Variants in SLC2A9 observed in about 807,000 individuals in gnomAD.
SLC2A9 encodes the protein solute carrier family 2, facilitated glucose transporter member 9.
In SLC2A9, 39 loss-of-function variants were observed where a neutral mutation model predicts 50.6. That is an observed-to-expected ratio of 0.77 (90% CI 0.60 to 1.01). SLC2A9 has a LOEUF of 1.01. SLC2A9 is among the 50% of genes least tolerant of loss of function. The pLI is 0.00. For missense variants in SLC2A9, 686 were observed against 677.6 expected, an observed-to-expected ratio of 1.01 and a Z score of -0.14; for synonymous variants, 324 against 276.9, an observed-to-expected ratio of 1.17 and a Z score of -1.69.
downstream of SLC2A9, among the ~76,000 whole-genome samples, chr4:9,777,095 T>C (rs564629037): frequency 5.3e-5 from 8 of 152,208 alleles, no homozygotes; most frequent in Non-Finnish European, 2.9e-5. Context: ...TAGCACTGTA[T>C]GACATTGTTT....
chr4:9,848,274 T>C (rs867269682), intron 10 of SLC2A9, among the ~76,000 whole-genome samples: 30 of 151,978 alleles, frequency 2.0e-4, no homozygotes, highest in African/African-American at 7.2e-4. Context: ...GGCGCCTTTT[T>C]CCCCTTCTAC....
intron 10 of SLC2A9, among the ~76,000 whole-genome samples, chr4:9,871,858 G>A (rs963197599): frequency 6.6e-6 from 1 of 152,200 alleles, no homozygotes; most frequent in African/African-American, 2.4e-5. Flanking sequence ...GAATAAGATG[G>A]TCTGTCTCCT....
chr4:9,939,783 C>A (rs1186089671), intron 6 of SLC2A9, among the ~76,000 whole-genome samples: 2 of 152,042 alleles, frequency 1.3e-5, no homozygotes, highest in African/African-American at 4.8e-5. Context: ...TCCTGGGGGG[C>A]AGGAATGTCA....
chr4:9,934,030 T>C (rs1038631750), intron 6 of SLC2A9, among the ~76,000 whole-genome samples: 8 of 152,210 alleles, frequency 5.3e-5, no homozygotes, highest in Non-Finnish European at 1.2e-4. Flanking sequence ...GCAGCCTTAA[T>C]TCCATCTGTG....
chr4:9,789,612 G>A (rs1382219258), intron 3 of SLC2A9, among the ~76,000 whole-genome samples: 8 of 152,252 alleles, frequency 5.3e-5, no homozygotes, highest in Non-Finnish European at 8.8e-5. Context: ...GTTAAGCGGA[G>A]AATGTTGAGC....
chr4:10,025,826 G>T, upstream of SLC2A9: 1 of 1,406,308 alleles, frequency 7.1e-7, no homozygotes. Context: ...GCCTCCCACT[G>T]ACCCAGGGGA....
At chr4:9,900,768 CCTT>C (rs1422850688) in intron 8 of SLC2A9, among the ~76,000 whole-genome samples, 2 of 152,126 alleles carry the variant, frequency 1.3e-5, no homozygotes, top group Non-Finnish European at 2.9e-5. Flanking sequence ...GCAAACTCAT[CCTT>C]CTTCATGTGG....
At position 9,946,013 on chromosome 4, in the gene SLC2A9, G is replaced by A. The variant is rs573346742; in HGVS notation, c.682-3968C>T. The stretch of plus-strand genomic sequence containing the variant: ...TGTTTTAAAAAACCGCATATTACTC[G>A]CCTGACACAAGACCATGAGGCGCCA... On this transcript the variant is annotated intron_variant, in intron 5 of 11. Transcript: ENST00000264784. Among the ~76,000 whole-genome samples the A allele has an allele frequency of 1.1e-4, 16 of 152,232 alleles. No homozygotes were observed. In the South Asian group the frequency reaches 3.1e-3, roughly 30 times the overall value.
intron 10 of SLC2A9, among the ~76,000 whole-genome samples, chr4:9,861,529 C>T (rs929601298): frequency 3.9e-5 from 6 of 152,156 alleles, no homozygotes; most frequent in African/African-American, 1.4e-4. Flanking sequence ...CATGTGTTTA[C>T]AATAAGCCTC....
chr4:9,991,223 C>T (rs1164543119), intron 3 of SLC2A9, among the ~76,000 whole-genome samples: 1 of 152,188 alleles, frequency 6.6e-6, no homozygotes. Flanking sequence ...AAAGATTACT[C>T]CTGAAGAGCC....
intron 6 of SLC2A9, among the ~76,000 whole-genome samples, chr4:9,932,875 A>G (rs1746393339): frequency 6.6e-6 from 1 of 152,250 alleles, no homozygotes; most frequent in Non-Finnish European, 1.5e-5. Flanking sequence ...TCCAGCAGTG[A>G]GAGGCACTGA....
intron 8 of SLC2A9, among the ~76,000 whole-genome samples, chr4:9,905,094 T>C (rs575033339): frequency 6.6e-6 from 1 of 152,318 alleles, no homozygotes; most frequent in African/African-American, 2.4e-5. Context: ...CTTTTCTCTC[T>C]AGATCACGGC....
chr4:9,941,326 C>G (rs949705852), intron 6 of SLC2A9, among the ~76,000 whole-genome samples: 2 of 152,168 alleles, frequency 1.3e-5, no homozygotes, highest in African/African-American at 4.8e-5. Flanking sequence ...TGAGACAACT[C>G]CCAAGCCCCT....
At chr4:9,881,072 G>A (rs1735120203) in intron 10 of SLC2A9, among the ~76,000 whole-genome samples, 1 of 152,204 alleles carries the variant, frequency 6.6e-6, no homozygotes, top group South Asian at 2.1e-4. Context: ...CCGGGGAGTG[G>A]TTCCTGACGA....
chr4:10,029,943 A>AT (rs1232915724), intron 1 of SLC2A9, among the ~76,000 whole-genome samples: 5 of 151,242 alleles, frequency 3.3e-5, no homozygotes, highest in African/African-American at 4.9e-5. Context: ...GCAGAGATAA[A>AT]TTTTTTTTTT....
At chr4:9,846,435 A>G (rs1293897767) in intron 10 of SLC2A9, among the ~76,000 whole-genome samples, 1 of 151,958 alleles carries the variant, frequency 6.6e-6, no homozygotes, top group African/African-American at 2.4e-5. Flanking sequence ...GAGGCAGGGG[A>G]GGCTGCTGAG....
At chr4:9,775,945 G>A (rs1377333549), downstream of SLC2A9, among the ~76,000 whole-genome samples, 10 of 152,156 alleles carry the variant, frequency 6.6e-5, no homozygotes, top group South Asian at 2.1e-4. Flanking sequence ...TGCAGCAGCC[G>A]GGGGAAGAGC....
At chr4:9,850,019 A>G (rs2109304597) in intron 10 of SLC2A9, among the ~76,000 whole-genome samples, 1 of 151,944 alleles carries the variant, frequency 6.6e-6, no homozygotes, top group South Asian at 2.1e-4. Flanking sequence ...CATCAGGAAG[A>G]CTGGCACACT....
chr4:9,867,981 A>G (rs1732774971), intron 10 of SLC2A9, among the ~76,000 whole-genome samples: 1 of 152,156 alleles, frequency 6.6e-6, no homozygotes, highest in Non-Finnish European at 1.5e-5. Context: ...GCCTCTGAGA[A>G]CGTGCCTTGC....
Sources: allele counts gnomAD v4.1 joint callset (sites outside exome capture counted in the v4.1 genomes callset), GRCh38; gene constraint gnomAD v4.1.1; transcripts MANE v1.5; gene names NCBI Gene and HGNC (gene_info 2026-07-23, HGNC 2026-07-21).